The following LOC122455342 variants were observed in gnomAD, a reference collection of about 807,000 sequenced individuals.
At chr17:76,569,142 G>A in the LOC122455342 span, 1 of 298,432 alleles carries the variant, frequency 3.4e-6, no homozygotes. Flanking sequence ...GGGGCTTCCG[G>A]GCAGGGCAGG....
chr17:76,568,825 C>T, the LOC122455342 span: 29 of 1,609,384 alleles, frequency 1.8e-5, no homozygotes, highest in East Asian at 4.5e-5. Flanking sequence ...GTGGACAGAG[C>T]GCCCAGAGCC....
At chr17:76,569,007 C>T in the LOC122455342 span, 19 of 390,144 alleles carry the variant, frequency 4.9e-5, no homozygotes, top group Non-Finnish European at 6.8e-5. Context: ...CCTCCACGGG[C>T]GGGGTGTAGG....
At chr17:76,569,543 G>T in the LOC122455342 span, 1 of 395,280 alleles carries the variant, frequency 2.5e-6, no homozygotes, top group South Asian at 1.3e-4. Flanking sequence ...GTGGGGGAGG[G>T]GGAAGGGGCA....
At chr17:76,569,325 C>T in the LOC122455342 span, 1 of 332,762 alleles carries the variant, frequency 3.0e-6, no homozygotes, top group Non-Finnish European at 4.9e-6. Flanking sequence ...ACTTGGGGGG[C>T]ACAGCGGGGG....
chr17:76,568,865 G>C, the LOC122455342 span: 1 of 1,524,588 alleles, frequency 6.6e-7, no homozygotes, highest in Non-Finnish European at 9.1e-7. Context: ...ATGGAGGGGA[G>C]GGTCAGGGCG....
the LOC122455342 span, chr17:76,569,447 T>TG: frequency 4.7e-6 from 1 of 210,544 alleles, no homozygotes; most frequent in South Asian, 2.0e-4. Flanking sequence ...ACCTGAGGAC[T>TG]GGGGTTCAGG....
chr17:76,569,443 G>T, the LOC122455342 span: 1 of 383,538 alleles, frequency 2.6e-6, no homozygotes, highest in Non-Finnish European at 4.6e-6. Context: ...TTGGACCTGA[G>T]GACTGGGGTT....
At chr17:76,568,900 C>T in the LOC122455342 span, 19 of 1,065,362 alleles carry the variant, frequency 1.8e-5, no homozygotes, top group Admixed American at 5.6e-5. Flanking sequence ...GTACCCTGAG[C>T]GGTAGGAGCG....
At chr17:76,569,033 G>C in the LOC122455342 span, 1 of 125,786 alleles carries the variant, frequency 8.0e-6, no homozygotes, top group Non-Finnish European at 1.6e-5. Flanking sequence ...GAGGAGGGGG[G>C]CATGAACAGA....
At chr17:76,568,863 G>A in the LOC122455342 span, 76 of 1,537,334 alleles carry the variant, frequency 4.9e-5, no homozygotes, top group African/African-American at 8.3e-4. Flanking sequence ...AGATGGAGGG[G>A]AGGGTCAGGG....
chr17:76,568,967 G>C, the LOC122455342 span: 2 of 618,612 alleles, frequency 3.2e-6, no homozygotes, highest in South Asian at 3.8e-5. Context: ...AGTACGTTGG[G>C]GACCACGTGC....
the LOC122455342 span, chr17:76,569,477 G>C: frequency 2.8e-6 from 1 of 362,940 alleles, no homozygotes; most frequent in Non-Finnish European, 4.8e-6. Context: ...CGGGAAGAGG[G>C]CTGTGAGGCA....
the LOC122455342 span, chr17:76,568,909 C>T: frequency 7.5e-5 from 73 of 975,388 alleles, 1 homozygote; most frequent in Middle Eastern, 1.2e-3. Context: ...GCGGTAGGAG[C>T]GGGGCTGGGA....
chr17:76,569,631 G>A, the LOC122455342 span: 1 of 398,458 alleles, frequency 2.5e-6, no homozygotes, highest in Non-Finnish European at 4.4e-6. Context: ...GATTAGGGGT[G>A]TGGGAAGGGG....
At chr17:76,568,867 G>C in the LOC122455342 span, 1,294 of 1,395,240 alleles carry the variant, frequency 9.3e-4, no homozygotes, top group Non-Finnish European at 1.2e-3. Flanking sequence ...GGAGGGGAGG[G>C]TCAGGGCGCC....
the LOC122455342 span, chr17:76,569,045 C>CG: frequency 2.2e-5 from 3 of 134,704 alleles, no homozygotes; most frequent in Non-Finnish European, 2.6e-5. Context: ...ATGAACAGAC[C>CG]GGGGGGAGTT....
the LOC122455342 span, chr17:76,569,003 C>A: frequency 2.2e-6 from 1 of 460,808 alleles, no homozygotes; most frequent in Non-Finnish European, 3.8e-6. Flanking sequence ...AGGACCTCCA[C>A]GGGCGGGGTG....
At chr17:76,569,369 C>G in the LOC122455342 span, 1 of 375,238 alleles carries the variant, frequency 2.7e-6, no homozygotes, top group Non-Finnish European at 4.5e-6. Context: ...GATTTGAAAC[C>G]AGACTGGGAG....
the LOC122455342 span, chr17:76,569,400 G>T: frequency 2.5e-6 from 1 of 394,834 alleles, no homozygotes; most frequent in South Asian, 1.3e-4. Flanking sequence ...AGGTGGGTGG[G>T]GTGGGGGTTT....
Sources: gnomAD v4.1 joint callset for allele counts on GRCh38, gnomAD v4.1.1 for gene constraint, MANE v1.5 for transcripts.